The following KCNQ3 variants were observed in gnomAD, a reference collection of about 807,000 sequenced individuals.
KCNQ3 encodes the protein potassium voltage-gated channel subfamily KQT member 3.
KCNQ3 carries 30 observed loss-of-function variants against 92.5 expected under a neutral mutation model. The observed-to-expected ratio is 0.32, with a 90% CI of 0.24 to 0.44. The LOEUF (loss-of-function observed/expected upper bound fraction) is 0.44. KCNQ3 is among the 20% of genes least tolerant of loss of function. The pLI is 1.00. For synonymous variants in KCNQ3, 450 were observed against 468.8 expected (o/e 0.96, Z 0.52); for missense variants, 913 against 1,140.3 (o/e 0.80, Z 2.87).
At chr8:132,251,614 G>T (rs976137850) in intron 1 of KCNQ3, among the ~76,000 whole-genome samples, 8 of 152,218 alleles carry the variant, frequency 5.3e-5, no homozygotes, top group African/African-American at 1.9e-4. Context: ...CAGAGAAAGT[G>T]TGTTGGTCAT....
At chr8:132,303,803 TATAG>T (rs1817329093) in intron 1 of KCNQ3, among the ~76,000 whole-genome samples, 1 of 149,014 alleles carries the variant, frequency 6.7e-6, no homozygotes, top group African/African-American at 2.5e-5. Flanking sequence ...TACATGTGTG[TATAG>T]ATATACACAC....
chr8:132,158,655 A>T (rs1042533274), intron 9 of KCNQ3, among the ~76,000 whole-genome samples: 2 of 152,218 alleles, frequency 1.3e-5, no homozygotes, highest in Admixed American at 1.3e-4. Flanking sequence ...TGCACTTTCT[A>T]GCTTTGTGAC....
intron 1 of KCNQ3, among the ~76,000 whole-genome samples, chr8:132,328,378 C>A (rs73360864): frequency 0.016 from 2,502 of 152,222 alleles, 68 homozygotes; most frequent in African/African-American, 0.056. Flanking sequence ...AGAACCAAAT[C>A]CTTCACCTTC....
intron 1 of KCNQ3, among the ~76,000 whole-genome samples, chr8:132,339,152 C>T (rs1408749541): frequency 6.6e-6 from 1 of 152,122 alleles, no homozygotes; most frequent in Non-Finnish European, 1.5e-5. Context: ...AATCTATTCC[C>T]CTCTCTAGGC....
At chr8:132,350,121 A>C (rs1203820906) in intron 1 of KCNQ3, among the ~76,000 whole-genome samples, 1 of 152,218 alleles carries the variant, frequency 6.6e-6, no homozygotes, top group African/African-American at 2.4e-5. Flanking sequence ...CAAATGGCAC[A>C]CTTAGTGAGG....
intron 1 of KCNQ3, among the ~76,000 whole-genome samples, chr8:132,327,759 G>A (rs1402828039): frequency 2.6e-5 from 4 of 152,202 alleles, no homozygotes; most frequent in Non-Finnish European, 5.9e-5. Flanking sequence ...GGCCTAAGGG[G>A]AAACCCAGAG....
intron 1 of KCNQ3, among the ~76,000 whole-genome samples, chr8:132,232,853 G>T (rs779126701): frequency 3.3e-5 from 5 of 152,124 alleles, no homozygotes; most frequent in Admixed American, 6.6e-5. Context: ...AAGTCTTTTG[G>T]TTTTTCCTCA....
At chr8:132,164,981 G>C (rs1244601689) in intron 8 of KCNQ3, among the ~76,000 whole-genome samples, 1 of 152,058 alleles carries the variant, frequency 6.6e-6, no homozygotes, top group Non-Finnish European at 1.5e-5. Context: ...TCTTAATGAA[G>C]GCCCATACTC....
intron 1 of KCNQ3, among the ~76,000 whole-genome samples, chr8:132,200,853 C>G (rs1366712802): frequency 1.3e-5 from 2 of 152,036 alleles, no homozygotes; most frequent in African/African-American, 4.8e-5. Flanking sequence ...CTGTTGCTGC[C>G]CCAGGTGCAT....
At chr8:132,160,599 A>G (rs1825954467) in intron 9 of KCNQ3, among the ~76,000 whole-genome samples, 2 of 152,188 alleles carry the variant, frequency 1.3e-5, no homozygotes, top group South Asian at 4.1e-4. Flanking sequence ...GAACCTTATT[A>G]TATTTGTATA....
chr8:132,193,545 C>T (rs961455874), intron 1 of KCNQ3, among the ~76,000 whole-genome samples: 1 of 152,200 alleles, frequency 6.6e-6, no homozygotes, highest in African/African-American at 2.4e-5. Context: ...CTCTTCTCAC[C>T]CATGTCTGGC....
chr8:132,261,914 A>G (rs569764102), intron 1 of KCNQ3, among the ~76,000 whole-genome samples: 1 of 152,230 alleles, frequency 6.6e-6, no homozygotes, highest in African/African-American at 2.4e-5. Context: ...ACAAATGCTC[A>G]TAACAGCATT....
At chr8:132,290,431 G>A (rs1179216945) in intron 1 of KCNQ3, among the ~76,000 whole-genome samples, 2 of 152,142 alleles carry the variant, frequency 1.3e-5, no homozygotes, top group East Asian at 3.9e-4. Flanking sequence ...GAGGGTTAGG[G>A]AAAAGGGTGA....
At chr8:132,261,151 G>A (rs1388403240) in intron 1 of KCNQ3, among the ~76,000 whole-genome samples, 1 of 152,178 alleles carries the variant, frequency 6.6e-6, no homozygotes, top group Non-Finnish European at 1.5e-5. Flanking sequence ...GAATATGCAG[G>A]CAATTCAGCT....
intron 1 of KCNQ3, among the ~76,000 whole-genome samples, chr8:132,234,346 T>TTG (rs1814739620): frequency 1.1e-5 from 1 of 93,278 alleles, no homozygotes; most frequent in Non-Finnish European, 2.1e-5. Flanking sequence ...AAGTTTTTTT[T>TTG]TTTTTTTTTT....
chr8:132,430,082 GCTGA>G (rs985264606), intron 1 of KCNQ3, among the ~76,000 whole-genome samples: 3 of 152,078 alleles, frequency 2.0e-5, no homozygotes, highest in Non-Finnish European at 4.4e-5. Context: ...TCCCTGAGCA[GCTGA>G]CTGTCATTCC....
At chr8:132,378,867 T>G (rs1819674702) in intron 1 of KCNQ3, among the ~76,000 whole-genome samples, 1 of 152,240 alleles carries the variant, frequency 6.6e-6, no homozygotes, top group African/African-American at 2.4e-5. Context: ...TAAGAAATAC[T>G]TTTTCCTGTT....
chr8:132,374,620 C>G (rs1218117741), intron 1 of KCNQ3, among the ~76,000 whole-genome samples: 1 of 152,200 alleles, frequency 6.6e-6, no homozygotes, highest in African/African-American at 2.4e-5. Context: ...TATTTCATCA[C>G]CCAGGTACTA....
chr8:132,185,773 G>A (rs982700949), intron 2 of KCNQ3, among the ~76,000 whole-genome samples: 2 of 152,218 alleles, frequency 1.3e-5, no homozygotes, highest in Admixed American at 6.5e-5. Flanking sequence ...AATGAAACAT[G>A]CCTTTGTGTT....
Sources: gnomAD v4.1 joint callset for allele counts (sites outside exome capture counted in the v4.1 genomes callset) on GRCh38, gnomAD v4.1.1 for gene constraint, MANE v1.5 for transcripts, NCBI Gene and HGNC (gene_info 2026-07-23, HGNC 2026-07-21) for gene names.